ADD2: variants seen among roughly 807,000 people sequenced by gnomAD.
ADD2 encodes beta-adducin.
Under a neutral mutation model 83.0 loss-of-function variants are expected in ADD2, and 23 were observed. That is an observed-to-expected ratio of 0.28 (90% CI 0.20 to 0.39). ADD2 has a LOEUF of 0.39. ADD2 is among the 10% of genes least tolerant of loss of function. ADD2 has a pLI of 1.00. For synonymous variants in ADD2, 375 were observed against 375.4 expected (o/e 1.00, Z 0.01); for missense variants, 758 against 944.9 (o/e 0.80, Z 2.59).
intron 1 of ADD2, among the ~76,000 whole-genome samples, chr2:70,730,337 A>ACC (rs1464240716): frequency 6.6e-6 from 1 of 152,008 alleles, no homozygotes; most frequent in Admixed American, 6.5e-5. Flanking sequence ...CAAAAGGCAG[A>ACC]CCCCCTCCAC....
At position 70,657,488 on chromosome 2, in the gene ADD2, A is replaced by T. The variant is rs1395613715; in HGVS notation, c.*5937T>A. On this transcript the variant is annotated 3_prime_UTR_variant, in exon 16 of 16. Coordinates refer to ENST00000264436, the MANE Select transcript of ADD2 (RefSeq NM_001617.4). ...AATTGCAGGAATTTAAAGGTGGGGC[A>T]GTCCTTGGGTATCAATCAATCACCC... is the stretch of plus-strand genomic sequence containing the variant. The T allele has an allele frequency of 2.0e-5, 3 of 152,186 alleles. No individual in the cohort carries two copies. Among genetic ancestry groups the T allele is most frequent in the Non-Finnish European group, 4.4e-5 (3 of 68,032 alleles). The allele number at this position is 152,186 out of a possible 1,614,324, so 9.4% of individuals were successfully genotyped here. A position where few individuals can be genotyped will look rare whatever the true frequency, so the allele number is the denominator to read the frequency against.
intron 9 of ADD2, among the ~76,000 whole-genome samples, chr2:70,685,775 A>T (rs535709563): frequency 1.3e-5 from 2 of 152,302 alleles, no homozygotes; most frequent in South Asian, 4.1e-4. Context: ...AGAAGAAGAG[A>T]GGGAGAGACT....
chr2:70,746,032 A>T (rs1674174932), intron 1 of ADD2, among the ~76,000 whole-genome samples: 2 of 152,198 alleles, frequency 1.3e-5, no homozygotes, highest in South Asian at 4.1e-4. Flanking sequence ...CCTTTTTCAG[A>T]ACTCAATAAT....
chr2:70,672,442 C>T (rs536804340), intron 15 of ADD2, among the ~76,000 whole-genome samples: 15 of 152,286 alleles, frequency 9.8e-5, no homozygotes, highest in Middle Eastern at 3.4e-3. Context: ...TTCCAATGTG[C>T]GGTTAAGGTT....
At chr2:70,737,084 G>A (rs1673609683) in intron 1 of ADD2, among the ~76,000 whole-genome samples, 1 of 152,130 alleles carries the variant, frequency 6.6e-6, no homozygotes, top group African/African-American at 2.4e-5. Flanking sequence ...AACAGGTGCT[G>A]GTGAGGATGT....
intron 1 of ADD2, among the ~76,000 whole-genome samples, chr2:70,738,361 T>C (rs782335821): frequency 6.6e-6 from 1 of 152,166 alleles, no homozygotes; most frequent in African/African-American, 2.4e-5. Context: ...GAATGATGAA[T>C]GATCATTTAC....
At position 70,658,984 on chromosome 2, in the gene ADD2, A is replaced by T. The variant is rs1675449185; in HGVS notation, c.*4441T>A. ...ATGGTGAAACCCCGTCTCTACTAAA[A>T]ATACAAAAATTAGCTGGGCAAGGTG... On this transcript the variant is annotated 3_prime_UTR_variant, in exon 16 of 16. Coordinates refer to ENST00000264436, the MANE Select transcript of ADD2 (RefSeq NM_001617.4). The T allele has an allele frequency of 6.6e-6, 1 of 151,914 alleles. No homozygotes were observed. The highest frequency in any genetic ancestry group is 2.1e-4 in the South Asian group (1 of 4,810). The allele number at this position is 151,914 out of a possible 1,614,324, so 9.4% of individuals were successfully genotyped here. A position where few individuals can be genotyped will look rare whatever the true frequency, so the allele number is the denominator to read the frequency against.
At chr2:70,748,290 T>TA (rs3836142) in intron 1 of ADD2, among the ~76,000 whole-genome samples, 203 of 146,906 alleles carry the variant, frequency 1.4e-3, no homozygotes, top group African/African-American at 4.7e-3. Flanking sequence ...CAAACACTGA[T>TA]AAAAAAAAAA....
intron 6 of ADD2, among the ~76,000 whole-genome samples, chr2:70,693,283 C>T (rs1420318663): frequency 1.3e-5 from 2 of 152,220 alleles, no homozygotes; most frequent in African/African-American, 2.4e-5. Context: ...TCCCCGATTT[C>T]CCGGAGTGCA....
intron 1 of ADD2, among the ~76,000 whole-genome samples, chr2:70,753,045 T>C (rs1674589324): frequency 1.3e-5 from 2 of 151,438 alleles, no homozygotes; most frequent in African/African-American, 2.4e-5. Context: ...CCAGAAAGAG[T>C]GTATAAGGAA....
In ADD2 at chr2:70,658,769, G is replaced by A. The variant is rs1007173414; in HGVS notation, c.*4656C>T. ...TGACCTGCATGTGTAAAATGAGTAA[G>A]GGGTAAATGTTCTCTCATTTGTTCA... On this transcript the variant is annotated 3_prime_UTR_variant, in exon 16 of 16. Coordinates refer to ENST00000264436, the MANE Select transcript of ADD2 (RefSeq NM_001617.4). The A allele has an allele frequency of 1.3e-5, 2 of 152,178 alleles. No individual in the cohort carries two copies. The highest frequency in any genetic ancestry group is 4.8e-5 in the African/African-American group (2 of 41,450). 9.4% of individuals were successfully genotyped at this position (152,178 alleles called of 1,614,324 possible).
chr2:70,663,463 G>A lies in ADD2; in HGVS notation c.2143C>T (p.Leu715=). 1 of 1,613,828 alleles carries A rather than the reference G, an allele frequency of 6.2e-7. No individual in the cohort carries two copies. Among genetic ancestry groups the A allele is most frequent in the Non-Finnish European group, 8.5e-7 (1 of 1,179,934 alleles). Reference sequence around the variant, plus strand: ...TTCTCCTTCTTTTTGCTCTTTTTCAGGAAGGAGGGGGTTCGGAATTTCTTT... The same window carrying A: ...TTCTCCTTCTTTTTGCTCTTTTTCAAGAAGGAGGGGGTTCGGAATTTCTTT... ...KKKKFRTPSF[L]KKSKKKEKVE... is the part of the protein sequence containing the mutation. Residue 715 remains leucine, a synonymous_variant, in exon 16 of 16, where the codon CTG becomes TTG. Coordinates refer to ENST00000264436, the MANE Select transcript of ADD2 (RefSeq NM_001617.4).
intron 1 of ADD2, among the ~76,000 whole-genome samples, chr2:70,753,202 A>C (rs953650463): frequency 2.0e-5 from 3 of 152,206 alleles, no homozygotes; most frequent in Admixed American, 1.3e-4. Flanking sequence ...CAAATGTTTC[A>C]AGAAGTGGTC....
chr2:70,711,406 A>T (rs1405623886), intron 2 of ADD2, among the ~76,000 whole-genome samples: 2 of 152,122 alleles, frequency 1.3e-5, no homozygotes, highest in East Asian at 3.9e-4. Context: ...CATGATTAGA[A>T]GCCTGTAGCA....
intron 15 of ADD2, 96 bp downstream of exon 15, chr2:70,672,782 T>C: frequency 7.2e-7 from 1 of 1,396,896 alleles, no homozygotes; most frequent in Non-Finnish European, 9.6e-7. Flanking sequence ...GGGAAAGATT[T>C]TCAGATTAGG....
At chr2:70,737,415 A>G (rs373916421) in intron 1 of ADD2, among the ~76,000 whole-genome samples, 7 of 152,090 alleles carry the variant, frequency 4.6e-5, no homozygotes, top group Non-Finnish European at 5.9e-5. Context: ...ATGAGTTCAT[A>G]TCCTTTGTAG....
At chr2:70,733,972 C>G (rs1211743826) in intron 1 of ADD2, among the ~76,000 whole-genome samples, 1 of 152,142 alleles carries the variant, frequency 6.6e-6, no homozygotes, top group African/African-American at 2.4e-5. Flanking sequence ...GAAACCAGTC[C>G]GTTCTTAGCT....
intron 9 of ADD2, 72 bp downstream of exon 9, chr2:70,687,952 G>C (rs1670824498): frequency 8.7e-7 from 1 of 1,149,012 alleles, no homozygotes; most frequent in Non-Finnish European, 1.3e-6. Flanking sequence ...CAGCCAACAG[G>C]GTCACCACGT....
chr2:70,749,350 C>A (rs1306362983), intron 1 of ADD2, among the ~76,000 whole-genome samples: 1 of 152,230 alleles, frequency 6.6e-6, no homozygotes, highest in Non-Finnish European at 1.5e-5. Context: ...CAAAGCCAAA[C>A]CATATCAGAG....
Sources: gnomAD v4.1 joint callset for allele counts (sites outside exome capture counted in the v4.1 genomes callset) on GRCh38, gnomAD v4.1.1 for gene constraint, MANE v1.5 for transcripts, NCBI Gene and HGNC (gene_info 2026-07-23, HGNC 2026-07-21) for gene names.